The following SULF2 variants were observed in gnomAD, a reference collection of about 807,000 sequenced individuals.
SULF2 encodes the protein sulfatase 2, also known as extracellular sulfatase Sulf-2.
A neutral mutation model predicts 107.7 loss-of-function variants in SULF2; 52 were observed. The ratio of observed to expected loss-of-function variants is 0.48; its 90% CI spans 0.39 to 0.61. The LOEUF is 0.61. Ranked by LOEUF, SULF2 falls within the 20% of genes least tolerant of loss-of-function variation. The pLI is 0.00. For missense variants in SULF2, 993 were observed against 1,177.3 expected (o/e 0.84, Z 2.29); for synonymous variants, 460 against 464.3 (o/e 0.99, Z 0.12).
intron 10 of SULF2, among the ~76,000 whole-genome samples, chr20:47,674,242 G>A (rs971712066): frequency 2.0e-5 from 3 of 152,246 alleles, no homozygotes; most frequent in Non-Finnish European, 2.9e-5. Flanking sequence ...GGCCCGTCCC[G>A]AGGCTGTCCT....
intron 11 of SULF2, among the ~76,000 whole-genome samples, chr20:47,668,062 G>A (rs561647353): frequency 6.6e-6 from 1 of 152,320 alleles, no homozygotes; most frequent in East Asian, 1.9e-4. Flanking sequence ...GTCTCCCGAT[G>A]CAAGTACACA....
intron 3 of SULF2, among the ~76,000 whole-genome samples, chr20:47,731,873 C>G (rs1277502506): frequency 6.6e-6 from 1 of 152,198 alleles, no homozygotes; most frequent in Non-Finnish European, 1.5e-5. Context: ...GTGGTCATGG[C>G]TGGGATGTGA....
intron 1 of SULF2, among the ~76,000 whole-genome samples, chr20:47,771,035 C>G (rs907658485): frequency 6.6e-6 from 1 of 152,160 alleles, no homozygotes; most frequent in South Asian, 2.1e-4. Flanking sequence ...TGCAGGGTAC[C>G]GTGTGGCCAT....
rs145705117 is a variant in SULF2, at chr20:47,714,557, C to A, written c.416-11887G>T. On this transcript the variant is annotated intron_variant, in intron 3 of 20. Transcript: ENST00000688720. Reference sequence around the variant, plus strand: ...TGGAACCTCGTCCCTGGTCCTCCTGCCTCCACCTTCAGCCCATCTTCCACA... The same window carrying A: ...TGGAACCTCGTCCCTGGTCCTCCTGACTCCACCTTCAGCCCATCTTCCACA... 2.1e-3 allele frequency among the ~76,000 whole-genome samples: 324 copies of A among 152,288 alleles called. 4 individuals are homozygous for A. Among genetic ancestry groups the A allele is most frequent in the African/African-American group, 7.6e-3 (314 of 41,544 alleles).
rs397837137 is a variant in SULF2, at chr20:47,742,927, A to ATTTTTTTTTTTTTTTTT, written c.176-6002_176-5986dup. Among the ~76,000 whole-genome samples the ATTTTTTTTTTTTTTTTT allele has an allele frequency of 7.0e-5, 7 of 99,452 alleles. 3 individuals carry two copies. Among genetic ancestry groups the ATTTTTTTTTTTTTTTTT allele is most frequent in the Non-Finnish European group, 7.9e-5 (4 of 50,786 alleles). 65.2% of individuals were successfully genotyped at this position (99,452 alleles called of 152,430 possible). A position where few individuals can be genotyped will look rare whatever the true frequency, so the allele number is the denominator to read the frequency against. ...AGGGAGTTTCAGGATTCAAAACATG[A>ATTTTTTTTTTTTTTTTT]TTTTTTTTTTTTTTTTTTTTTTTTT... On this transcript the variant is annotated intron_variant, in intron 2 of 20. Coordinates refer to ENST00000688720, the MANE Select transcript of SULF2 (RefSeq NM_001387048.1).
At chr20:47,721,345 C>T (rs933668935) in intron 3 of SULF2, among the ~76,000 whole-genome samples, 1 of 149,928 alleles carries the variant, frequency 6.7e-6, no homozygotes, top group Non-Finnish European at 1.5e-5. Flanking sequence ...ATGCTCTCCT[C>T]CCACTTGCCC....
intron 4 of SULF2, among the ~76,000 whole-genome samples, chr20:47,701,351 C>A (rs1048872492): frequency 1.3e-5 from 2 of 152,172 alleles, no homozygotes; most frequent in African/African-American, 4.8e-5. Context: ...GAAATGGATG[C>A]ACGCATATGT....
chr20:47,737,866 G>A (rs578040627), intron 2 of SULF2, among the ~76,000 whole-genome samples: 28 of 143,896 alleles, frequency 1.9e-4, no homozygotes, highest in South Asian at 2.3e-4. Context: ...GGGTTCAAGC[G>A]ATTCCCCTGC....
intron 3 of SULF2, among the ~76,000 whole-genome samples, chr20:47,728,200 A>G (rs1020006742): frequency 3.9e-5 from 6 of 152,090 alleles, no homozygotes; most frequent in Admixed American, 6.5e-5. Flanking sequence ...GACCGAGGGA[A>G]GAAGGGAGCT....
rs1333722988 is a variant in SULF2 at position 47,666,735 on chromosome 20, T to C, written c.1577-247A>G. On this transcript the variant is annotated intron_variant, in intron 11 of 20. Transcript: ENST00000688720. The surrounding 1 kb of genome is among the most constrained non-coding windows in gnomAD (Gnocchi z 5.4). The stretch of plus-strand genomic sequence containing the variant: ...CAAGAAGCCACTGACTCAAGAGGAT[T>C]TCAAGCGAGAGCTGCTTGCGGGTAA... Among the ~76,000 whole-genome samples the C allele has an allele frequency of 6.6e-6, 1 of 152,188 alleles. No individual in the cohort carries two copies. The highest frequency in any genetic ancestry group is 2.4e-5 in the African/African-American group (1 of 41,442).
intron 8 of SULF2, 57 bp from the exon 9 acceptor site, chr20:47,677,191 C>G: frequency 1.3e-6 from 2 of 1,594,088 alleles, no homozygotes; most frequent in East Asian, 2.2e-5. Context: ...CACGACCCCC[C>G]GTTCCCCCAG....
At position 47,757,112 on chromosome 20, in the gene SULF2, TGCCTCAGGA is replaced by T; in HGVS notation, c.175+68_175+76del. The T allele has an allele frequency of 5.2e-6, 7 of 1,336,298 alleles. No homozygotes were observed. The Middle Eastern group carries it at 1.0e-3, about 199-fold the overall frequency. The allele number at this position is 1,336,298 out of a possible 1,614,324, so 82.8% of individuals were successfully genotyped here. On this transcript the variant is annotated intron_variant, in intron 2 of 20. Transcript: ENST00000688720. ...GCACGACGCATCAACACCACCGCCTTGCCTCAGGAGCCTCAGCCTAACCCAGGGACCCTG... is the reference window on the plus strand; with the variant it reads ...GCACGACGCATCAACACCACCGCCTTGCCTCAGCCTAACCCAGGGACCCTG...
intron 3 of SULF2, among the ~76,000 whole-genome samples, chr20:47,712,907 C>T (rs114269501): frequency 3.9e-5 from 6 of 152,194 alleles, no homozygotes; most frequent in South Asian, 2.1e-4. Context: ...TGGTGCTGCA[C>T]GCCTGTCGTT....
chr20:47,784,150 C>T (rs1453250327), intron 1 of SULF2, among the ~76,000 whole-genome samples: 4 of 152,134 alleles, frequency 2.6e-5, no homozygotes, highest in African/African-American at 9.7e-5. Context: ...CCTGCTCCAG[C>T]GCAGCCTCCC....
rs774376317 is a variant in SULF2 at position 47,677,034 on chromosome 20, G to C, written c.1250+44C>G. ...GCTACAGAAGCTTCCTGGGCAGAGG[G>C]AGGGAGGTGGGCAGGGGTGTCCCTC... On this transcript the variant is annotated intron_variant, in intron 9 of 20. Coordinates refer to ENST00000688720, the MANE Select transcript of SULF2 (RefSeq NM_001387048.1). The C allele has an allele frequency of 5.6e-6, 9 of 1,602,752 alleles. No homozygotes were observed. In the Admixed American group the frequency reaches 1.4e-4, roughly 24 times the overall value.
At chr20:47,766,131 T>C (rs2090524211) in intron 1 of SULF2, among the ~76,000 whole-genome samples, 1 of 152,106 alleles carries the variant, frequency 6.6e-6, no homozygotes, top group Non-Finnish European at 1.5e-5. Context: ...GTCCCAAACC[T>C]CACAAGCCCA....
At position 47,757,430 on chromosome 20, in the gene SULF2, G is replaced by GC; in HGVS notation, c.-68_-67insG. ...AGTCTCAAGTTGCGTCTGTGGCTTTGTTTCTTTTCCCTCGTCCCTCTTCAC... is the reference window on the plus strand; with the variant it reads ...AGTCTCAAGTTGCGTCTGTGGCTTTGCTTTCTTTTCCCTCGTCCCTCTTCAC... On this transcript the variant is annotated 5_prime_UTR_variant, in exon 2 of 21. Transcript: ENST00000688720. 6.7e-7 allele frequency: 1 copy of GC among 1,487,088 alleles called. No homozygotes were observed. Among genetic ancestry groups the GC allele is most frequent in the East Asian group, 2.5e-5 (1 of 40,278 alleles). 92.1% of individuals were successfully genotyped at this position (1,487,088 alleles called of 1,614,324 possible). A position where few individuals can be genotyped will look rare whatever the true frequency, so the allele number is the denominator to read the frequency against.
rs907364038 is a variant in SULF2 at position 47,694,585 on chromosome 20, A to T, written c.568-4290T>A. Reference sequence around the variant, plus strand: ...CACAGCTCCACAGGGCTGAGAAGCCACAGCTGGGACCCCGAGGTGCAACCG... The same window carrying T: ...CACAGCTCCACAGGGCTGAGAAGCCTCAGCTGGGACCCCGAGGTGCAACCG... On this transcript the variant is annotated intron_variant, in intron 4 of 20. Transcript: ENST00000688720. This position sits in a 1 kb window ranked among gnomAD's most constrained non-coding sequence, Gnocchi z 4.4. Among the ~76,000 whole-genome samples the T allele has an allele frequency of 1.3e-5, 2 of 152,000 alleles. No homozygotes were observed. The highest frequency in any genetic ancestry group is 4.8e-5 in the African/African-American group (2 of 41,312).
At chr20:47,686,492 C>T (rs1229144053) in intron 5 of SULF2, among the ~76,000 whole-genome samples, 1 of 152,180 alleles carries the variant, frequency 6.6e-6, no homozygotes, top group African/African-American at 2.4e-5. Flanking sequence ...GGCCAGGTTC[C>T]CTGCAAATCT....
Sources: gnomAD v4.1 joint callset for allele counts (sites outside exome capture counted in the v4.1 genomes callset) on GRCh38, gnomAD v4.1.1 for gene constraint, Gnocchi (gnomAD v3.1) non-coding constraint, MANE v1.5 for transcripts, NCBI Gene and HGNC (gene_info 2026-07-23, HGNC 2026-07-21) for gene names.